RAP1B: variants seen among roughly 807,000 people sequenced by gnomAD.
RAP1B encodes RAP1B, member of RAS oncogene family.
RAP1B carries 1 observed loss-of-function variant against 27.5 expected under a neutral mutation model. That is an observed-to-expected ratio of 0.04 (90% confidence interval 0.01 to 0.17). RAP1B has a LOEUF of 0.17. RAP1B is among the 10% of genes least tolerant of loss of function. The probability of loss-of-function intolerance (pLI) is 1.00; values close to 1 mark genes in which losing one functional copy is unlikely to be tolerated. For missense variants in RAP1B, 84 were observed against 214.8 expected (o/e 0.39, Z 3.81); for synonymous variants, 75 against 73.1 (o/e 1.03, Z -0.13).
chr12:68,619,179 A>G (rs1871226522), intron 1 of RAP1B, among the ~76,000 whole-genome samples: 2 of 152,338 alleles, frequency 1.3e-5, no homozygotes, highest in African/African-American at 4.8e-5. Flanking sequence ...TGATTGAGTC[A>G]CACGCTGAAT....
At position 68,654,164 on chromosome 12, in the gene RAP1B, C is replaced by T; in HGVS notation, c.236C>T (p.Ala79Val). ...TACATGAAAAATGGACAAGGATTTG[C>T]ATTAGTTTATTCCATCACAGCACAG... Reference protein sequence around the residue: ...DLYMKNGQGFALVYSITAQST... With the variant: ...DLYMKNGQGFVLVYSITAQST... The change falls in exon 5 of 8, where the codon GCA (alanine) becomes GTA (valine). Residue 79 changes from alanine to valine, a missense_variant. Transcript: ENST00000250559. 1 of 1,597,552 alleles carries T rather than the reference C, an allele frequency of 6.3e-7. No homozygotes were observed. The highest frequency in any genetic ancestry group is 8.6e-7 in the Non-Finnish European group (1 of 1,165,356).
At chr12:68,638,835 A>G (rs1592447198) in intron 1 of RAP1B, among the ~76,000 whole-genome samples, 1 of 151,738 alleles carries the variant, frequency 6.6e-6, no homozygotes. Context: ...TGATTTTTGT[A>G]TTTTTTAGTA....
chr12:68,625,723 A>G (rs1244593764), intron 1 of RAP1B, among the ~76,000 whole-genome samples: 1 of 152,138 alleles, frequency 6.6e-6, no homozygotes, highest in Non-Finnish European at 1.5e-5. Context: ...GATCGATACC[A>G]TCCTGGCCAG....
At chr12:68,618,603 C>T (rs1253594432) in intron 1 of RAP1B, among the ~76,000 whole-genome samples, 2 of 152,112 alleles carry the variant, frequency 1.3e-5, no homozygotes, top group Non-Finnish European at 1.5e-5. Context: ...ACATTCTTTG[C>T]CGTTTTCTTT....
intron 7 of RAP1B, among the ~76,000 whole-genome samples, chr12:68,658,531 A>G (rs976638124): frequency 6.6e-6 from 1 of 152,250 alleles, no homozygotes; most frequent in Non-Finnish European, 1.5e-5. Context: ...GAAAAATATA[A>G]TAGGGAACAT....
chr12:68,657,565 C>T (rs12313635), intron 7 of RAP1B: 8,053 of 160,634 alleles, frequency 0.05, 688 homozygotes, highest in African/African-American at 0.18. Flanking sequence ...CCACCACGCC[C>T]GGCTAGTTTT....
Position 68,620,825 on chromosome 12 carries a change from C to T in RAP1B, c.-27+9782C>T, listed in dbSNP as rs192614264. Reference sequence around the variant, plus strand: ...CTGGTGTCAAACTCCTTGGCCTAATCGGTTCTTCCACCTCAGTCCTCCAAA... The same window carrying T: ...CTGGTGTCAAACTCCTTGGCCTAATTGGTTCTTCCACCTCAGTCCTCCAAA... On this transcript the variant is annotated intron_variant, in intron 1 of 7. Transcript: ENST00000250559. Among the ~76,000 whole-genome samples, 5 of 152,186 alleles carry T rather than the reference C, an allele frequency of 3.3e-5. No individual in the cohort carries two copies. In the East Asian group the frequency reaches 9.7e-4, roughly 29 times the overall value.
At chr12:68,648,177 A>G (rs1237959623) in intron 1 of RAP1B, 1 of 153,084 alleles carries the variant, frequency 6.5e-6, no homozygotes, top group Middle Eastern at 3.1e-3. Flanking sequence ...AGACGTTTTC[A>G]GTCTGGGAAC....
At chr12:68,615,794 TACAC>T (rs537752483) in intron 1 of RAP1B, among the ~76,000 whole-genome samples, 2 of 152,060 alleles carry the variant, frequency 1.3e-5, no homozygotes, top group African/African-American at 4.8e-5. Context: ...TACACATACA[TACAC>T]ACACACATAT....
intron 1 of RAP1B, among the ~76,000 whole-genome samples, chr12:68,642,338 A>T (rs533300221): frequency 7.3e-5 from 11 of 151,656 alleles, no homozygotes; most frequent in South Asian, 4.2e-4. Flanking sequence ...GAATGATATT[A>T]AAAAAAAAGT....
intron 1 of RAP1B, among the ~76,000 whole-genome samples, chr12:68,625,838 C>T (rs567433809): frequency 6.6e-6 from 1 of 151,930 alleles, no homozygotes; most frequent in East Asian, 1.9e-4. Flanking sequence ...AAGAGAATTG[C>T]TTGAATCCAG....
In RAP1B at chr12:68,663,199, G is replaced by A. The variant is rs1874700418; in HGVS notation, c.*3950G>A. On this transcript the variant is annotated 3_prime_UTR_variant, in exon 8 of 8. Coordinates refer to ENST00000250559, the MANE Select transcript of RAP1B (RefSeq NM_001010942.3). ...CTGCCTCAGCCTCCTGAATAGCTGG[G>A]ATTACAAGCATGCACCACCACGCCT... 6.6e-6 allele frequency: 1 copy of A among 152,072 alleles called. No homozygotes were observed. The highest frequency in any genetic ancestry group is 2.4e-5 in the African/African-American group (1 of 41,332). The allele number at this position is 152,072 out of a possible 1,614,324, so 9.4% of individuals were successfully genotyped here.
chr12:68,638,616 T>G (rs1304913745), intron 1 of RAP1B, among the ~76,000 whole-genome samples: 2 of 152,238 alleles, frequency 1.3e-5, no homozygotes, highest in East Asian at 3.8e-4. Flanking sequence ...ATATTAAATT[T>G]TATTACCAGT....
At position 68,661,868 on chromosome 12, in the gene RAP1B, TC is replaced by T. The variant is rs1013014151; in HGVS notation, c.*2621del. On this transcript the variant is annotated 3_prime_UTR_variant, in exon 8 of 8. Transcript: ENST00000250559. ...AGAATATAAAGTTTGGAGCCAGACT[TC>T]CTGGGTTTTTAATCCCAGCTCTTCC... The T allele has an allele frequency of 2.6e-5, 4 of 151,966 alleles. No homozygotes were observed. The highest frequency in any genetic ancestry group is 4.4e-5 in the Non-Finnish European group (3 of 67,988). The allele number at this position is 151,966 out of a possible 1,614,324, so 9.4% of individuals were successfully genotyped here. A position where few individuals can be genotyped will look rare whatever the true frequency, so the allele number is the denominator to read the frequency against.
chr12:68,659,155 G>A, intron 7 of RAP1B, 125 bp from the exon 8 acceptor site: 1 of 414,566 alleles, frequency 2.4e-6, no homozygotes, highest in Non-Finnish European at 4.8e-6. Flanking sequence ...CTAATGTAAT[G>A]CCTAGAACAA....
intron 1 of RAP1B, among the ~76,000 whole-genome samples, chr12:68,621,881 C>A (rs1036950072): frequency 6.6e-6 from 1 of 152,216 alleles, no homozygotes; most frequent in African/African-American, 2.4e-5. Flanking sequence ...TGCTTCCCAG[C>A]AGTCCCTTGT....
rs1052382580 is a variant in RAP1B at position 68,668,014 on chromosome 12, A to G, written c.*8765A>G. Reference sequence around the variant, plus strand: ...CAATGCTTTCACAGAGGATGTCACCAAAGAAAGAAGTGGCATCCACTACCC... The same window carrying G: ...CAATGCTTTCACAGAGGATGTCACCGAAGAAAGAAGTGGCATCCACTACCC... On this transcript the variant is annotated 3_prime_UTR_variant, in exon 8 of 8. Coordinates refer to ENST00000250559, the MANE Select transcript of RAP1B (RefSeq NM_001010942.3). 1 of 152,204 alleles carries G rather than the reference A, an allele frequency of 6.6e-6. No individual in the cohort carries two copies. Among genetic ancestry groups the G allele is most frequent in the Admixed American group, 6.5e-5 (1 of 15,272 alleles). The allele number at this position is 152,204 out of a possible 1,614,324, so 9.4% of individuals were successfully genotyped here. A position where few individuals can be genotyped will look rare whatever the true frequency, so the allele number is the denominator to read the frequency against.
At chr12:68,631,605 C>T (rs925517072) in intron 1 of RAP1B, among the ~76,000 whole-genome samples, 3 of 152,104 alleles carry the variant, frequency 2.0e-5, no homozygotes, top group South Asian at 2.1e-4. Context: ...CTGCTTTTTC[C>T]GCTATAGTCT....
chr12:68,634,583 T>TCA (rs1872500445), intron 1 of RAP1B, among the ~76,000 whole-genome samples: 1 of 146,024 alleles, frequency 6.8e-6, no homozygotes, highest in Non-Finnish European at 1.5e-5. Context: ...GCCTATATTA[T>TCA]TATTTTTTTT....
Sources: allele counts gnomAD v4.1 joint callset (sites outside exome capture counted in the v4.1 genomes callset), GRCh38; gene constraint gnomAD v4.1.1; transcripts MANE v1.5; gene names NCBI Gene and HGNC (gene_info 2026-07-23, HGNC 2026-07-21).